The following SCN10A variants were observed in gnomAD, a reference collection of about 807,000 sequenced individuals.
The protein encoded by SCN10A is sodium channel protein type 10 subunit alpha.
SCN10A carries 162 observed loss-of-function variants against 170.7 expected under a neutral mutation model. The ratio of observed to expected loss-of-function variants is 0.95; its 90% CI spans 0.84 to 1.08. The LOEUF is 1.08. SCN10A is among the 50% of genes least tolerant of loss of function. The pLI, the probability that SCN10A is intolerant of heterozygous loss-of-function variation, is 0.00. For synonymous variants in SCN10A, 985 were observed against 904.6 expected (o/e 1.09, Z -1.59); for missense variants, 2,527 against 2,436.9 (o/e 1.04, Z -0.78).
At chr3:38,789,066 G>A (rs571620138) in intron 3 of SCN10A, 30 bp from the exon 4 acceptor site, 2 of 1,295,634 alleles carry the variant, frequency 1.5e-6, no homozygotes, top group African/African-American at 2.9e-5. Flanking sequence ...GAAAAGCTGA[G>A]ATCACCAAGT....
intron 1 of SCN10A, among the ~76,000 whole-genome samples, chr3:38,799,538 A>T (rs1185239617): frequency 6.6e-6 from 1 of 152,184 alleles, no homozygotes; most frequent in Non-Finnish European, 1.5e-5. Context: ...GTGACAGCCA[A>T]TCTTGAACGT....
intron 3 of SCN10A, among the ~76,000 whole-genome samples, chr3:38,789,563 T>A (rs2064253191): frequency 6.6e-6 from 1 of 152,130 alleles, no homozygotes; most frequent in South Asian, 2.1e-4. Context: ...GGAATTAGTT[T>A]CATCAGATTG....
chr3:38,759,702 A>T (rs1404098760), intron 8 of SCN10A, among the ~76,000 whole-genome samples: 2 of 152,196 alleles, frequency 1.3e-5, no homozygotes, highest in Non-Finnish European at 2.9e-5. Flanking sequence ...GATTTTATAT[A>T]AAAATCTAAA....
intron 17 of SCN10A, 121 bp downstream of exon 17, chr3:38,726,485 T>C (rs1575961761): frequency 1.3e-6 from 1 of 758,528 alleles, no homozygotes; most frequent in East Asian, 2.6e-5. Flanking sequence ...TCTGGAAAGC[T>C]TGGCATGGTT....
At chr3:38,737,049 T>C (rs11711941) in intron 15 of SCN10A, among the ~76,000 whole-genome samples, 88,409 of 135,432 alleles carry the variant, frequency 0.65, 29,986 homozygotes, top group African/African-American at 0.85. Flanking sequence ...CGGCTCACTG[T>C]AAGCTCCGCC....
chr3:38,798,178 G>A (rs572222062), intron 1 of SCN10A, among the ~76,000 whole-genome samples: 5 of 152,142 alleles, frequency 3.3e-5, no homozygotes, highest in Non-Finnish European at 7.4e-5. Context: ...GAAGAAAGCA[G>A]TATTTTTATG....
chr3:38,783,924 G>A (rs1296133919), intron 4 of SCN10A, among the ~76,000 whole-genome samples: 1 of 151,980 alleles, frequency 6.6e-6, no homozygotes, highest in Non-Finnish European at 1.5e-5. Flanking sequence ...AAATCTCAGT[G>A]TGATTTTAAT....
chr3:38,772,743 A>AC (rs571433209), intron 4 of SCN10A, among the ~76,000 whole-genome samples: 24,037 of 149,770 alleles, frequency 0.16, 2,050 homozygotes, highest in East Asian at 0.21. Flanking sequence ...AAACAAAAAA[A>AC]AAAAAACCTG....
intron 13 of SCN10A, among the ~76,000 whole-genome samples, chr3:38,748,839 C>G (rs1298014303): frequency 6.6e-6 from 1 of 152,204 alleles, no homozygotes; most frequent in Non-Finnish European, 1.5e-5. Context: ...GCCTTTCTTA[C>G]TCTACTCTCA....
chr3:38,723,482 CTTCCTCAGGAT>C lies in SCN10A; in HGVS notation c.3289_3299del (p.Ile1097AspfsTer3). On this transcript the variant is annotated frameshift_variant, in exon 19 of 28. Coordinates refer to ENST00000449082, the MANE Select transcript of SCN10A (RefSeq NM_006514.4). LOFTEE classifies it high-confidence loss of function. ...CCAGGTCATCTGCCAGCTCAGGGAT[CTTCCTCAGGAT>C]TTCCTCAGGATCTAGGCAGTCCACC... The C allele has an allele frequency of 6.2e-7, 1 of 1,614,082 alleles. No individual in the cohort carries two copies. Among genetic ancestry groups the C allele is most frequent in the Non-Finnish European group, 8.5e-7 (1 of 1,179,944 alleles).
intron 17 of SCN10A, 48 bp from the exon 18 acceptor site, chr3:38,725,362 A>T: frequency 6.6e-7 from 1 of 1,506,468 alleles, no homozygotes; most frequent in Non-Finnish European, 9.0e-7. Context: ...CCCTTAGATG[A>T]CCAGTTCTAA....
At chr3:38,754,233 T>G (rs896257705) in intron 11 of SCN10A, among the ~76,000 whole-genome samples, 1 of 152,238 alleles carries the variant, frequency 6.6e-6, no homozygotes. Flanking sequence ...CCAGGAAGCC[T>G]TTTCTGATAC....
intron 14 of SCN10A, 105 bp downstream of exon 14, chr3:38,742,186 A>T: frequency 1.3e-6 from 1 of 765,504 alleles, no homozygotes; most frequent in Non-Finnish European, 2.2e-6. Context: ...GGCTCAACAC[A>T]CTAACCAATA....
In SCN10A at chr3:38,697,277, G is replaced by T. The variant is rs1263942776; in HGVS notation, c.*72C>A. 9.0e-6 allele frequency: 14 copies of T among 1,563,844 alleles called. No homozygotes were observed. The highest frequency in any genetic ancestry group is 1.1e-5 in the Non-Finnish European group (13 of 1,154,202). ...GTGAGGCTGTAGCTGGGTGTGATCT[G>T]CAATGGGAAAGAGTTAACACAGAGC... On this transcript the variant is annotated 3_prime_UTR_variant, in exon 28 of 28. Coordinates refer to ENST00000449082, the MANE Select transcript of SCN10A (RefSeq NM_006514.4).
intron 15 of SCN10A, among the ~76,000 whole-genome samples, chr3:38,729,255 C>T (rs145238729): frequency 3.9e-5 from 6 of 152,174 alleles, no homozygotes; most frequent in African/African-American, 1.2e-4. Context: ...TGATGGGGCT[C>T]ACAAATAAGT....
intron 21 of SCN10A, among the ~76,000 whole-genome samples, chr3:38,717,223 G>A (rs1457783726): frequency 4.6e-5 from 7 of 152,130 alleles, no homozygotes; most frequent in Non-Finnish European, 1.0e-4. Context: ...AAGATGTACA[G>A]CTGGAAGAAA....
intron 21 of SCN10A, among the ~76,000 whole-genome samples, chr3:38,717,600 T>G (rs1447467977): frequency 6.6e-6 from 1 of 152,260 alleles, no homozygotes; most frequent in Non-Finnish European, 1.5e-5. Context: ...GAGAATTGAA[T>G]GCACAGGCCT....
At chr3:38,808,028 C>T (rs189504548) in intron 1 of SCN10A, among the ~76,000 whole-genome samples, 2 of 152,290 alleles carry the variant, frequency 1.3e-5, no homozygotes. Context: ...CTTTCAAAGG[C>T]TTCTCAACCT....
chr3:38,712,237 G>A lies in SCN10A; in HGVS notation c.4013C>T (p.Thr1338Ile). The A allele has an allele frequency of 6.2e-7, 1 of 1,614,218 alleles. No homozygotes were observed. Among genetic ancestry groups the A allele is most frequent in the Non-Finnish European group, 8.5e-7 (1 of 1,180,030 alleles). The change falls in exon 23 of 28, where the codon ACT becomes ATT. Residue 1338 changes from threonine to isoleucine, a missense_variant. Thr to Ile is a moderately conservative substitution (Grantham distance 89, BLOSUM62 -1). Coordinates refer to ENST00000449082, the MANE Select transcript of SCN10A (RefSeq NM_006514.4). ...CACATTGACCCAGAAGAAGCTGCCA[G>A]TGGAGTTTTGAATCTTGCAGTCAGA... ...NKSDCKIQNS[T>I]GSFFWVNVKV...
Sources: gnomAD v4.1 joint callset for allele counts (sites outside exome capture counted in the v4.1 genomes callset) on GRCh38, gnomAD v4.1.1 for gene constraint, MANE v1.5 for transcripts, NCBI Gene and HGNC (gene_info 2026-07-23, HGNC 2026-07-21) for gene names.